The following ZNF532 variants were observed in gnomAD, a reference collection of about 807,000 sequenced individuals.
ZNF532 encodes the protein zinc finger protein 532.
A neutral mutation model predicts 89.3 loss-of-function variants in ZNF532; 22 were observed. The ratio of observed to expected loss-of-function variants is 0.25; its 90% CI spans 0.18 to 0.35. The LOEUF is 0.35. ZNF532 is among the 10% of genes least tolerant of loss of function. ZNF532 has a pLI of 1.00. For missense variants in ZNF532, 1,132 were observed against 1,643.4 expected, an observed-to-expected ratio of 0.69 and a Z score of 5.38; for synonymous variants, 606 against 649.6, an observed-to-expected ratio of 0.93 and a Z score of 1.02.
At chr18:58,939,915 CAAG>C (rs1482951675) in intron 5 of ZNF532, 5 of 200,406 alleles carry the variant, frequency 2.5e-5, no homozygotes, top group Admixed American at 1.7e-4. Context: ...TTTTTTGAGA[CAAG>C]AGTCTCGCTC....
At position 58,880,769 on chromosome 18, in the gene ZNF532, C is replaced by CGTGTGT. The variant is rs1188960384; in HGVS notation, c.-18+15191_-18+15192insTGTGTG. Among the ~76,000 whole-genome samples the CGTGTGT allele has an allele frequency of 4.6e-5, 6 of 131,198 alleles. No individual in the cohort carries two copies. The South Asian group carries it at 8.9e-4, about 19-fold the overall frequency. 86.1% of individuals were successfully genotyped at this position (131,198 alleles called of 152,430 possible). A position where few individuals can be genotyped will look rare whatever the true frequency, so the allele number is the denominator to read the frequency against. ...TCTCATAGGCGCGCGCGCACGCGCGCGCGTCTGTGTGTGTGTGTGTATGTT... is the reference window on the plus strand; with the variant it reads ...TCTCATAGGCGCGCGCGCACGCGCGCGTGTGTGCGTCTGTGTGTGTGTGTGTATGTT... On this transcript the variant is annotated intron_variant, in intron 2 of 9. Coordinates refer to ENST00000591808, the MANE Select transcript of ZNF532 (RefSeq NM_001375912.1).
chr18:58,950,073 G>A (rs1264211556), intron 6 of ZNF532, among the ~76,000 whole-genome samples: 3 of 152,226 alleles, frequency 2.0e-5, no homozygotes, highest in Non-Finnish European at 2.9e-5. Flanking sequence ...ATTTAGGGAT[G>A]TTGGAATTAA....
chr18:58,866,474 T>G (rs1208367412), intron 2 of ZNF532, among the ~76,000 whole-genome samples: 2 of 152,206 alleles, frequency 1.3e-5, no homozygotes, highest in Admixed American at 6.5e-5. Flanking sequence ...AACCAGCAGC[T>G]CCAGAATGGG....
At chr18:58,946,709 C>A (rs577587539) in intron 5 of ZNF532, among the ~76,000 whole-genome samples, 35 of 152,290 alleles carry the variant, frequency 2.3e-4, no homozygotes, top group South Asian at 1.9e-3. Flanking sequence ...TAGTATACAA[C>A]ATTGTGCTGC....
At chr18:58,980,147 C>G (rs982625371) in intron 8 of ZNF532, 1 of 152,170 alleles carries the variant, frequency 6.6e-6, no homozygotes, top group African/African-American at 2.4e-5. Context: ...GGTTGGCTGT[C>G]AGATTCGCAG....
Position 58,864,968 on chromosome 18 carries a change from T to TA in ZNF532, c.-544dup, listed in dbSNP as rs1350729886. On this transcript the variant is annotated 5_prime_UTR_variant, in exon 1 of 10. The change abolishes the stop of an existing upstream ORF in the 5' untranslated region. Coordinates refer to ENST00000591808, the MANE Select transcript of ZNF532 (RefSeq NM_001375912.1). ...CCTACACAGTATGTGAATGCACACT[T>TA]AGACACCACACAGCACTGGTACGTG... is the stretch of plus-strand genomic sequence containing the variant. 2 of 152,142 alleles carry TA rather than the reference T, an allele frequency of 1.3e-5. No homozygotes were observed. The highest frequency in any genetic ancestry group is 2.9e-5 in the Non-Finnish European group (2 of 68,040). 9.4% of individuals were successfully genotyped at this position (152,142 alleles called of 1,614,324 possible).
At chr18:58,940,243 T>C (rs2062870378) in intron 5 of ZNF532, 1 of 152,168 alleles carries the variant, frequency 6.6e-6, no homozygotes, top group African/African-American at 2.4e-5. Flanking sequence ...TTAGAAACCC[T>C]GTCATCTTTA....
chr18:58,903,334 TG>T (rs1258316720), intron 2 of ZNF532, among the ~76,000 whole-genome samples: 4 of 152,202 alleles, frequency 2.6e-5, no homozygotes, highest in Admixed American at 2.0e-4. Flanking sequence ...AGCTCATGGT[TG>T]GGGGCAGATT....
At chr18:58,960,899 TAAAA>T (rs570896704) in intron 7 of ZNF532, among the ~76,000 whole-genome samples, 1 of 149,868 alleles carries the variant, frequency 6.7e-6, no homozygotes, top group Non-Finnish European at 1.5e-5. Flanking sequence ...GCTTTTCACT[TAAAA>T]AAAAAATAAA....
At chr18:58,896,665 A>G (rs566264024) in intron 2 of ZNF532, 1 of 152,208 alleles carries the variant, frequency 6.6e-6, no homozygotes, top group South Asian at 2.1e-4. Context: ...TCTGTAACCT[A>G]TTTGGGCCTT....
intron 3 of ZNF532, 114 bp downstream of exon 3, chr18:58,920,747 T>C (rs2060990590): frequency 1.7e-5 from 5 of 293,188 alleles, no homozygotes; most frequent in Non-Finnish European, 2.2e-5. Flanking sequence ...TGTGTGTGTG[T>C]GTGTGTGTGT....
chr18:58,920,105 T>C lies in ZNF532; in HGVS notation c.1818T>C (p.Asn606=). The change falls in exon 3 of 10, where the codon AAT becomes AAC. Residue 606 remains asparagine, a synonymous_variant. Transcript: ENST00000591808. ...VYIPNLSPPA[N]AGITLPTRGY... ...TCCCAAACCTCAGTCCTCCCGCCAA[T>C]GCAGGGATCACGTTACCGACGCGTG... 6.2e-7 allele frequency: 1 copy of C among 1,613,958 alleles called. No individual in the cohort carries two copies. The highest frequency in any genetic ancestry group is 8.5e-7 in the Non-Finnish European group (1 of 1,179,854).
rs1380855004 is a variant in ZNF532, at chr18:58,985,873, C to T, written c.*1407C>T. On this transcript the variant is annotated 3_prime_UTR_variant, in exon 10 of 10. Coordinates refer to ENST00000591808, the MANE Select transcript of ZNF532 (RefSeq NM_001375912.1). ...GTTCCTCAAAAGGTCTTGCTGCTGT[C>T]AGGTGTTATGCACTCCATCCATCAT... The T allele has an allele frequency of 6.7e-6, 1 of 150,068 alleles. No homozygotes were observed. The highest frequency in any genetic ancestry group is 1.5e-5 in the Non-Finnish European group (1 of 67,854). The allele number at this position is 150,068 out of a possible 1,614,324, so 9.3% of individuals were successfully genotyped here. A position where few individuals can be genotyped will look rare whatever the true frequency, so the allele number is the denominator to read the frequency against.
intron 7 of ZNF532, among the ~76,000 whole-genome samples, chr18:58,970,120 G>A (rs890186558): frequency 2.6e-5 from 4 of 152,204 alleles, no homozygotes; most frequent in South Asian, 4.1e-4. Flanking sequence ...TCCTGACCTC[G>A]TGATCCACCT....
intron 5 of ZNF532, among the ~76,000 whole-genome samples, chr18:58,940,923 T>TACACACACAC (rs200614911): frequency 0.06 from 7,118 of 118,464 alleles, 328 homozygotes; most frequent in African/African-American, 0.1. Flanking sequence ...TGCCATATTT[T>TACACACACAC]ACACACACAC....
Position 58,953,714 on chromosome 18 carries a change from G to T in ZNF532, c.3065G>T (p.Ser1022Ile). ...KKSMETKKVA[S>I]PGWTCWECDC... ...TCAATGGAAACCAAGAAAGTGGCCA[G>T]TCCTGGGTGGACGTGTTGGGAGTGT... Residue 1022 changes from serine to isoleucine, a missense_variant, in exon 7 of 10, where the codon AGT becomes ATT. Physicochemically the swap from Ser to Ile is moderately radical, Grantham distance 142. This residue lies in a region of ZNF532 where 415 missense variants were observed against 604.8 expected (regional missense o/e 0.69). Coordinates refer to ENST00000591808, the MANE Select transcript of ZNF532 (RefSeq NM_001375912.1). 6.2e-7 allele frequency: 1 copy of T among 1,614,100 alleles called. No homozygotes were observed. The highest frequency in any genetic ancestry group is 1.1e-5 in the South Asian group (1 of 91,080).
intron 7 of ZNF532, among the ~76,000 whole-genome samples, chr18:58,967,654 G>A (rs2066061126): frequency 2.0e-5 from 3 of 152,128 alleles, no homozygotes; most frequent in African/African-American, 7.2e-5. Context: ...GCAAGTTAGA[G>A]TCGGAGCTCG....
At chr18:58,981,870 G>A (rs1044328327) in intron 9 of ZNF532, among the ~76,000 whole-genome samples, 3 of 151,204 alleles carry the variant, frequency 2.0e-5, no homozygotes, top group African/African-American at 7.3e-5. Flanking sequence ...TTGGCGTGGT[G>A]GCGGGCTCCT....
At chr18:58,975,297 A>G (rs186638792) in intron 7 of ZNF532, among the ~76,000 whole-genome samples, 81 of 152,282 alleles carry the variant, frequency 5.3e-4, no homozygotes, top group African/African-American at 1.7e-3. Flanking sequence ...AGGCTCTTGC[A>G]TGTTGGTGCA....
Sources: allele counts gnomAD v4.1 joint callset (sites outside exome capture counted in the v4.1 genomes callset), GRCh38; gene constraint gnomAD v4.1.1; regional missense constraint gnomAD v4.1.1; transcripts MANE v1.5; gene names NCBI Gene and HGNC (gene_info 2026-07-23, HGNC 2026-07-21).